The following GABRG3 variants were observed in gnomAD, a reference collection of about 807,000 sequenced individuals.
The protein encoded by GABRG3 is gamma-aminobutyric acid type A receptor subunit gamma3.
In GABRG3, 25 loss-of-function variants were observed where a neutral mutation model predicts 48.8. The ratio of observed to expected loss-of-function variants is 0.51; its 90% CI spans 0.37 to 0.72. The LOEUF (loss-of-function observed/expected upper bound fraction) is 0.72, where lower values mean the gene tolerates loss of function less well. Among genes scored for constraint, GABRG3 ranks in the 30% least tolerant of loss-of-function variants. The probability of loss-of-function intolerance (pLI) is 0.00; values close to 1 mark genes in which losing one functional copy is unlikely to be tolerated. For synonymous variants in GABRG3, 227 were observed against 217.6 expected, an observed-to-expected ratio of 1.04 and a Z score of -0.38; for missense variants, 394 against 577.9, an observed-to-expected ratio of 0.68 and a Z score of 3.26.
At chr15:27,284,588 A>G (rs2140481932) in intron 3 of GABRG3, among the ~76,000 whole-genome samples, 1 of 152,326 alleles carries the variant, frequency 6.6e-6, no homozygotes, top group Non-Finnish European at 1.5e-5. Flanking sequence ...AAGAGCCTGG[A>G]AACTAGCAAG....
At chr15:27,334,809 T>C (rs1479832190) in intron 5 of GABRG3, among the ~76,000 whole-genome samples, 2 of 151,492 alleles carry the variant, frequency 1.3e-5, no homozygotes, top group African/African-American at 2.4e-5. Context: ...TAGGAAAAAA[T>C]ATTCACGAAC....
chr15:27,145,334 TA>T lies in GABRG3; in HGVS notation c.270+118523del, dbSNP rs202105972. ...AAGACATCTCACCAAATGGAGATTG[TA>T]AAAAAAAAATAGAGCATATAAAAAT... On this transcript the variant is annotated intron_variant, in intron 3 of 9. Transcript: ENST00000615808. Among the ~76,000 whole-genome samples, 328 of 148,518 alleles carry T rather than the reference TA, an allele frequency of 2.2e-3. 7 individuals carry two copies. The East Asian group carries it at 0.053, about 24-fold the overall frequency.
chr15:26,993,800 T>C (rs1473281329), intron 2 of GABRG3, among the ~76,000 whole-genome samples: 1 of 152,058 alleles, frequency 6.6e-6, no homozygotes, highest in African/African-American at 2.4e-5. Flanking sequence ...AAGTGGGGCA[T>C]TGAAGTCTCC....
intron 3 of GABRG3, among the ~76,000 whole-genome samples, chr15:27,306,818 A>G (rs1424283731): frequency 1.0e-5 from 1 of 95,774 alleles, no homozygotes; most frequent in African/African-American, 5.0e-5. Flanking sequence ...ACATGTTTAT[A>G]TATAAACATA....
intron 5 of GABRG3, among the ~76,000 whole-genome samples, chr15:27,405,656 G>A (rs927984337): frequency 1.3e-5 from 2 of 151,878 alleles, no homozygotes; most frequent in Non-Finnish European, 2.9e-5. Context: ...GAATCCAAAC[G>A]TTCATCTGTA....
chr15:27,056,308 G>A (rs1227051689), intron 3 of GABRG3, among the ~76,000 whole-genome samples: 3 of 144,388 alleles, frequency 2.1e-5, no homozygotes, highest in Non-Finnish European at 3.0e-5. Context: ...AGCTGTGATT[G>A]TGCCACTGCA....
chr15:27,433,905 C>G (rs1373035338), intron 5 of GABRG3, among the ~76,000 whole-genome samples: 1 of 152,124 alleles, frequency 6.6e-6, no homozygotes, highest in African/African-American at 2.4e-5. Flanking sequence ...TTTACAAACA[C>G]TAAAAAGCTA....
At chr15:27,100,041 C>T (rs1156494683) in intron 3 of GABRG3, among the ~76,000 whole-genome samples, 1 of 151,808 alleles carries the variant, frequency 6.6e-6, no homozygotes, top group Non-Finnish European at 1.5e-5. Context: ...ATGGTGAAAC[C>T]CCGTCTGTAC....
At chr15:27,026,706 G>A in intron 2 of GABRG3, 48 bp from the exon 3 acceptor site, 1 of 1,434,394 alleles carries the variant, frequency 7.0e-7, no homozygotes, top group Non-Finnish European at 9.7e-7. Flanking sequence ...GCTCTCCTCT[G>A]TCTTTCTCCG....
chr15:27,072,356 T>G (rs1175286963), intron 3 of GABRG3, among the ~76,000 whole-genome samples: 1 of 152,154 alleles, frequency 6.6e-6, no homozygotes, highest in Non-Finnish European at 1.5e-5. Context: ...CTTCATTCCT[T>G]CATTTCCTTT....
intron 3 of GABRG3, among the ~76,000 whole-genome samples, chr15:27,041,586 T>C (rs943296298): frequency 2.6e-5 from 4 of 152,258 alleles, no homozygotes; most frequent in African/African-American, 9.6e-5. Context: ...AAATTCTTAA[T>C]TGAACATCCT....
intron 3 of GABRG3, among the ~76,000 whole-genome samples, chr15:27,100,777 T>C (rs1420919048): frequency 6.6e-6 from 1 of 152,172 alleles, no homozygotes; most frequent in Non-Finnish European, 1.5e-5. Flanking sequence ...ATAATACTTA[T>C]TCATGATAAA....
chr15:27,309,862 C>G (rs1489057034), intron 3 of GABRG3, among the ~76,000 whole-genome samples: 1 of 152,016 alleles, frequency 6.6e-6, no homozygotes, highest in African/African-American at 2.4e-5. Flanking sequence ...AAAACCTGTA[C>G]ATTAATATTT....
chr15:27,360,304 A>C (rs1727394779), intron 5 of GABRG3, among the ~76,000 whole-genome samples: 1 of 152,082 alleles, frequency 6.6e-6, no homozygotes, highest in Non-Finnish European at 1.5e-5. Flanking sequence ...GCATGGACAG[A>C]AGGGAGGACT....
rs533122760 is a variant in GABRG3 at position 27,332,501 on chromosome 15, T to C, written c.574+3613T>C. Among the ~76,000 whole-genome samples, 5 of 151,950 alleles carry C rather than the reference T, an allele frequency of 3.3e-5. No homozygotes were observed. In the East Asian group the frequency reaches 9.7e-4, roughly 29 times the overall value. ...GTGAGCCGAGATCACGCCACTGCAC[T>C]CCAGCCTGGGCAACAGAGTGAAACT... On this transcript the variant is annotated intron_variant, in intron 5 of 9. Transcript: ENST00000615808.
chr15:27,202,988 G>C (rs1320723935), intron 3 of GABRG3, among the ~76,000 whole-genome samples: 2 of 152,004 alleles, frequency 1.3e-5, no homozygotes, highest in Non-Finnish European at 2.9e-5. Flanking sequence ...ATCTTCTAAA[G>C]TATTTATTGT....
chr15:27,354,194 AG>A (rs1894754518), intron 5 of GABRG3, among the ~76,000 whole-genome samples: 1 of 152,204 alleles, frequency 6.6e-6, no homozygotes, highest in Non-Finnish European at 1.5e-5. Flanking sequence ...TATCAAGCCC[AG>A]GTAGCATGGT....
Position 27,067,182 on chromosome 15 carries a change from G to A in GABRG3, c.270+40361G>A, listed in dbSNP as rs528001962. 2.0e-5 allele frequency among the ~76,000 whole-genome samples: 3 copies of A among 152,290 alleles called. No individual in the cohort carries two copies. The South Asian group carries it at 6.2e-4, about 32-fold the overall frequency. On this transcript the variant is annotated intron_variant, in intron 3 of 9. Transcript: ENST00000615808. The stretch of plus-strand genomic sequence containing the variant: ...CGTCCCTCCAGTGGGAGCATCTGGG[G>A]CTGGTGAAGACGTGGCACTCCAGGA...
chr15:27,051,327 A>G (rs1896451990), intron 3 of GABRG3, among the ~76,000 whole-genome samples: 1 of 152,200 alleles, frequency 6.6e-6, no homozygotes, highest in Non-Finnish European at 1.5e-5. Context: ...AAATGCATCT[A>G]TCCATCAATG....
Sources: allele counts gnomAD v4.1 joint callset (sites outside exome capture counted in the v4.1 genomes callset), GRCh38; gene constraint gnomAD v4.1.1; transcripts MANE v1.5; gene names NCBI Gene and HGNC (gene_info 2026-07-23, HGNC 2026-07-21).